Variants in DCT observed in about 807,000 individuals in gnomAD.
DCT encodes L-dopachrome tautomerase.
In DCT, 47 loss-of-function variants were observed where a neutral mutation model predicts 53.0. The ratio of observed to expected loss-of-function variants is 0.89; its 90% CI spans 0.70 to 1.13. The LOEUF (loss-of-function observed/expected upper bound fraction) is 1.13. DCT is among the 50% of genes most tolerant of loss of function. The probability of loss-of-function intolerance (pLI) is 0.00; values close to 1 mark genes in which losing one functional copy is unlikely to be tolerated. For synonymous variants in DCT, 244 were observed against 237.0 expected, an observed-to-expected ratio of 1.03 and a Z score of -0.27; for missense variants, 669 against 637.4, an observed-to-expected ratio of 1.05 and a Z score of -0.53.
At chr13:94,530,193 G>C in the DCT span, among the ~76,000 whole-genome samples, 34 of 152,210 alleles carry the variant, frequency 2.2e-4, no homozygotes, top group African/African-American at 7.2e-4. Context: ...ATACACAGCC[G>C]AATTCTACCA....
chr13:94,447,569 A>G (rs910090905), intron 6 of DCT, among the ~76,000 whole-genome samples: 110 of 152,332 alleles, frequency 7.2e-4, no homozygotes, highest in East Asian at 3.9e-4. Context: ...CTGTAGTACA[A>G]CCTTCAGGAC....
chr13:94,478,823 G>A (rs1885272881), intron 1 of DCT, 138 bp downstream of exon 1: 1 of 781,628 alleles, frequency 1.3e-6, no homozygotes, highest in Admixed American at 2.9e-5. Context: ...TATTGAATAT[G>A]CTTCCGACCA....
At chr13:94,482,792 G>T (rs1594337689), upstream of DCT, among the ~76,000 whole-genome samples, 2 of 152,074 alleles carry the variant, frequency 1.3e-5, no homozygotes, top group East Asian at 3.9e-4. Flanking sequence ...GGCTTATAAT[G>T]ACCACTATTA....
In DCT at chr13:94,471,456, C is replaced by T. The variant is rs118144638; in HGVS notation, c.296-2411G>A. Among the ~76,000 whole-genome samples, 706 of 152,208 alleles carry T rather than the reference C, an allele frequency of 4.6e-3. 3 individuals are homozygous for T. Among genetic ancestry groups the T allele is most frequent in the Non-Finnish European group, 7.5e-3 (507 of 68,008 alleles). ...ATGTTTTTGAATAGTTTAAGTTAAA[C>T]ATTAAAATGTACATTGATTCCTGGA... On this transcript the variant is annotated intron_variant, in intron 1 of 7. Transcript: ENST00000377028.
Position 94,438,465 on chromosome 13 carries a change from G to A in DCT, c.*1433C>T. 9.1e-6 allele frequency: 3 copies of A among 331,106 alleles called. No individual in the cohort carries two copies. Among genetic ancestry groups the A allele is most frequent in the South Asian group, 7.3e-5 (3 of 40,956 alleles). 20.5% of individuals were successfully genotyped at this position (331,106 alleles called of 1,614,324 possible). On this transcript the variant is annotated 3_prime_UTR_variant, in exon 8 of 8. Transcript: ENST00000377028. ...TGCATGGGGTAAACTGGTTCTTGAT[G>A]AGTCTTGCACCCTCTAGGACCCCTT...
At chr13:94,474,060 C>T (rs1481154902) in intron 1 of DCT, among the ~76,000 whole-genome samples, 1 of 152,062 alleles carries the variant, frequency 6.6e-6, no homozygotes, top group Non-Finnish European at 1.5e-5. Flanking sequence ...TTAGTTTTTT[C>T]TTCTTAATCT....
chr13:94,518,346 G>A, the DCT span, among the ~76,000 whole-genome samples: 1 of 152,158 alleles, frequency 6.6e-6, no homozygotes, highest in Non-Finnish European at 1.5e-5. Context: ...TAGACTATAT[G>A]TATATCACTG....
intron 6 of DCT, among the ~76,000 whole-genome samples, chr13:94,445,498 TCCA>T (rs1882657106): frequency 6.6e-6 from 1 of 152,126 alleles, no homozygotes; most frequent in African/African-American, 2.4e-5. Flanking sequence ...CCACAGCTGT[TCCA>T]ACACCTATCA....
the DCT span, among the ~76,000 whole-genome samples, chr13:94,521,840 G>A: frequency 9.9e-5 from 15 of 151,950 alleles, no homozygotes; most frequent in Admixed American, 4.6e-4. Flanking sequence ...TGAAACCATC[G>A]CCACAATTTT....
intron 7 of DCT, among the ~76,000 whole-genome samples, chr13:94,443,148 G>T (rs988382694): frequency 6.6e-6 from 1 of 152,180 alleles, no homozygotes; most frequent in Non-Finnish European, 1.5e-5. Context: ...AACTCAGAGA[G>T]AATTGTCAAG....
chr13:94,511,805 C>A, the DCT span, among the ~76,000 whole-genome samples: 3 of 151,840 alleles, frequency 2.0e-5, no homozygotes, highest in Admixed American at 1.3e-4. Context: ...CCACTATACA[C>A]CTCAATGCCC....
the DCT span, among the ~76,000 whole-genome samples, chr13:94,500,772 G>A: frequency 2.0e-5 from 3 of 151,926 alleles, no homozygotes; most frequent in Non-Finnish European, 4.4e-5. Context: ...TCCTTTTCTT[G>A]GCTATTAGAA....
chr13:94,488,574 C>T, the DCT span, among the ~76,000 whole-genome samples: 4 of 151,866 alleles, frequency 2.6e-5, no homozygotes, highest in African/African-American at 4.8e-5. Context: ...ATTAGCCAGG[C>T]GTGGTGGTGC....
intron 4 of DCT, 175 bp downstream of exon 4, chr13:94,465,455 TTAA>T (rs1884110150): frequency 7.0e-6 from 3 of 430,282 alleles, no homozygotes; most frequent in Non-Finnish European, 1.2e-5. Context: ...TATTTTTTTT[TTAA>T]TTAAAGAGCT....
chr13:94,507,777 G>C, the DCT span, among the ~76,000 whole-genome samples: 1 of 152,110 alleles, frequency 6.6e-6, no homozygotes, highest in African/African-American at 2.4e-5. Context: ...TGGGATTATA[G>C]GCGTGAGCCA....
At chr13:94,481,085 C>T (rs1885422064), upstream of DCT, among the ~76,000 whole-genome samples, 1 of 152,160 alleles carries the variant, frequency 6.6e-6, no homozygotes, top group African/African-American at 2.4e-5. Flanking sequence ...GGCTTGAAAC[C>T]GCAGCTCCAA....
chr13:94,538,164 G>T, the DCT span, among the ~76,000 whole-genome samples: 1 of 152,158 alleles, frequency 6.6e-6, no homozygotes, highest in South Asian at 2.1e-4. Context: ...GAGATGTTGC[G>T]GAAAGTGACT....
At chr13:94,488,542 T>C in the DCT span, among the ~76,000 whole-genome samples, 1 of 151,976 alleles carries the variant, frequency 6.6e-6, no homozygotes, top group Non-Finnish European at 1.5e-5. Context: ...TGGCGTAACC[T>C]ATTTCTACAA....
the DCT span, among the ~76,000 whole-genome samples, chr13:94,518,870 G>A: frequency 7.9e-5 from 12 of 152,024 alleles, no homozygotes; most frequent in South Asian, 8.3e-4. Flanking sequence ...TTCTCTCTTC[G>A]GCCTCATTTT....
Sources: gnomAD v4.1 joint callset for allele counts (sites outside exome capture counted in the v4.1 genomes callset) on GRCh38, gnomAD v4.1.1 for gene constraint, MANE v1.5 for transcripts, NCBI Gene and HGNC (gene_info 2026-07-23, HGNC 2026-07-21) for gene names.